The following CTU2 variants were observed in gnomAD, a reference collection of about 807,000 sequenced individuals.
CTU2 encodes cytosolic thiouridylase subunit 2.
In CTU2, 80 loss-of-function variants were observed where a neutral mutation model predicts 64.1. The ratio of observed to expected loss-of-function variants is 1.25; its 90% CI spans 1.04 to 1.50. The LOEUF is 1.50. Ranked by LOEUF, CTU2 falls within the 40% of genes most tolerant of loss-of-function variation. The probability of loss-of-function intolerance (pLI) is 0.00; values close to 1 mark genes in which losing one functional copy is unlikely to be tolerated. For missense variants in CTU2, 1,110 were observed against 690.2 expected (o/e 1.61, Z -6.81); for synonymous variants, 482 against 285.3 (o/e 1.69, Z -6.95).
chr16:88,715,205 G>C lies in CTU2; in HGVS notation c.1502G>C (p.Arg501Pro). 6.2e-7 allele frequency: 1 copy of C among 1,612,428 alleles called. No homozygotes were observed. The highest frequency in any genetic ancestry group is 1.1e-5 in the South Asian group (1 of 91,072). Reference protein sequence around the residue: ...TQRAWGLQEIRDCLIEDSDDE... With the variant: ...TQRAWGLQEIPDCLIEDSDDE... ...AGGGCCTGGGGCTTGCAGGAGATCCGGGACTGTCTGATTGAGGACAGTGAC... is the reference window on the plus strand; with the variant it reads ...AGGGCCTGGGGCTTGCAGGAGATCCCGGACTGTCTGATTGAGGACAGTGAC... The change falls in exon 15 of 15, where the codon CGG becomes CCG. Residue 501 changes from arginine to proline, a missense_variant. Transcript: ENST00000453996.
rs1567648099 is a variant in CTU2 at position 88,711,685 on chromosome 16, C to G, written c.333C>G (p.Ile111Met). 1 of 1,609,068 alleles carries G rather than the reference C, an allele frequency of 6.2e-7. No individual in the cohort carries two copies. Among genetic ancestry groups the G allele is most frequent in the Non-Finnish European group, 8.5e-7 (1 of 1,176,844 alleles). ...GACTGCGCTTTGTGGCAGGAGTCAT[C>G]TTTGTTGACGGTATGTGGGGCCATT... ...AKRLRFVAGV[I>M]FVDEGAACGQ... The change falls in exon 5 of 15, where the codon ATC (isoleucine) becomes ATG (methionine). Residue 111 changes from isoleucine to methionine, a missense_variant. Transcript: ENST00000453996.
chr16:88,712,795 C>A lies in CTU2; in HGVS notation c.627C>A (p.Asp209Glu). 1 of 1,607,692 alleles carries A rather than the reference C, an allele frequency of 6.2e-7. No individual in the cohort carries two copies. ...GEEQPPQPPL[D>E]PQNLARPPAP... ...AACAGCCACCCCAGCCCCCGCTGGA[C>A]CCCCAGAACCTGGCAAGACCGCCTG... is the stretch of plus-strand genomic sequence containing the variant. Residue 209 changes from aspartate (D) to glutamate (E), a missense_variant, in exon 7 of 15, where the codon GAC becomes GAA. By Grantham distance (45) the Asp-to-Glu change is conservative. Transcript: ENST00000453996.
intron 2 of CTU2, among the ~76,000 whole-genome samples, chr16:88,708,436 T>A (rs1453192079): frequency 1.3e-5 from 2 of 151,996 alleles, no homozygotes; most frequent in African/African-American, 2.4e-5. Flanking sequence ...CCACCACGCT[T>A]GAATCCCAGC....
At chr16:88,709,077 C>T (rs111656785) in intron 2 of CTU2, 1 of 152,148 alleles carries the variant, frequency 6.6e-6, no homozygotes, top group Non-Finnish European at 1.5e-5. Flanking sequence ...GAGTTTGAGA[C>T]CAGTCTGGGC....
rs1386696854 is a variant in CTU2, at chr16:88,714,506, G to A, written c.1201+20G>A. The A allele has an allele frequency of 6.2e-6, 10 of 1,612,498 alleles. No homozygotes were observed. The African/African-American group carries it at 1.3e-4, about 22-fold the overall frequency. The stretch of plus-strand genomic sequence containing the variant: ...CCGCTGGTCTGTGTTTCATGCTCTT[G>A]GGGTGATGCGGGGAGGGAGCCAGGG... On this transcript the variant is annotated intron_variant, in intron 11 of 14. Transcript: ENST00000453996.
intron 5 of CTU2, among the ~76,000 whole-genome samples, 186 bp downstream of exon 5, chr16:88,711,881 C>A (rs916530414): frequency 6.6e-6 from 1 of 152,202 alleles, no homozygotes; most frequent in Non-Finnish European, 1.5e-5. Context: ...GCAGATGTAT[C>A]CATCGTTAGG....
Position 88,707,121 on chromosome 16 carries a change from C to G in CTU2, c.69-15C>G. On this transcript the variant is annotated splice_polypyrimidine_tract_variant and intron_variant, in intron 1 of 14. Transcript: ENST00000453996. Reference sequence around the variant, plus strand: ...GATCTGTGTTTCTCTCTTCTCCCCCCTCCCATCTCCAAAGCCGTGAGCAGA... The same window carrying G: ...GATCTGTGTTTCTCTCTTCTCCCCCGTCCCATCTCCAAAGCCGTGAGCAGA... 2 of 1,612,888 alleles carry G rather than the reference C, an allele frequency of 1.2e-6. No homozygotes were observed. The highest frequency in any genetic ancestry group is 2.7e-5 in the African/African-American group (2 of 75,036).
chr16:88,713,525 T>G lies in CTU2; in HGVS notation c.873+78T>G, dbSNP rs572191140. The G allele has an allele frequency of 1.1e-5, 17 of 1,502,860 alleles. No homozygotes were observed. The African/African-American group carries it at 2.3e-4, about 20-fold the overall frequency. The allele number at this position is 1,502,860 out of a possible 1,614,324, so 93.1% of individuals were successfully genotyped here. On this transcript the variant is annotated intron_variant, in intron 8 of 14. Coordinates refer to ENST00000453996, the MANE Select transcript of CTU2 (RefSeq NM_001012759.3). ...GCCACCTTTACTGGAGAGTAGCCTCTCGCGTATCAGTCCTGCGGCCTCGGA... is the reference window on the plus strand; with the variant it reads ...GCCACCTTTACTGGAGAGTAGCCTCGCGCGTATCAGTCCTGCGGCCTCGGA...
At position 88,715,356 on chromosome 16, in the gene CTU2, T is replaced by G. The variant is rs1911902615; in HGVS notation, c.*105T>G. The G allele has an allele frequency of 1.6e-6, 2 of 1,240,624 alleles. No individual in the cohort carries two copies. The highest frequency in any genetic ancestry group is 1.4e-5 in the South Asian group (1 of 71,672). 76.9% of individuals were successfully genotyped at this position (1,240,624 alleles called of 1,614,324 possible). A position where few individuals can be genotyped will look rare whatever the true frequency, so the allele number is the denominator to read the frequency against. Reference sequence around the variant, plus strand: ...ACTGGCCTCTGATTGTCCATTTGTATAAATAAAACATTTTTTAATTAAAAA... The same window carrying G: ...ACTGGCCTCTGATTGTCCATTTGTAGAAATAAAACATTTTTTAATTAAAAA... On this transcript the variant is annotated 3_prime_UTR_variant, in exon 15 of 15. Coordinates refer to ENST00000453996, the MANE Select transcript of CTU2 (RefSeq NM_001012759.3).
rs752515340 is a variant in CTU2 at position 88,715,238 on chromosome 16, C to T, written c.1535C>T (p.Ala512Val). 5.6e-5 allele frequency: 91 copies of T among 1,611,718 alleles called. No individual in the cohort carries two copies. The highest frequency in any genetic ancestry group is 6.9e-5 in the Non-Finnish European group (81 of 1,179,860). The change falls in exon 15 of 15, where the codon GCG becomes GTG. Residue 512 changes from alanine (A) to valine (V), a missense_variant. Physicochemically the swap from Ala to Val is moderately conservative, Grantham distance 64. Transcript: ENST00000453996. ...DCLIEDSDDE[A>V]GQS ...CTGATTGAGGACAGTGACGACGAGGCGGGCCAGAGCTGAGCGTGAGGACGT... is the reference window on the plus strand; with the variant it reads ...CTGATTGAGGACAGTGACGACGAGGTGGGCCAGAGCTGAGCGTGAGGACGT...
intron 6 of CTU2, 33 bp from the exon 7 acceptor site, chr16:88,712,589 C>A (rs199733863): frequency 6.3e-7 from 1 of 1,597,798 alleles, no homozygotes; most frequent in Non-Finnish European, 8.5e-7. Flanking sequence ...GCCCGTGTCC[C>A]GGGCCTCACT....
chr16:88,712,724 C>G lies in CTU2; in HGVS notation c.556C>G (p.His186Asp). ...CGTGGACAGCTTCCTCCAGCAGCAG[C>G]ATGTGCTGGGGGCCGGGGGTGGTCC... is the stretch of plus-strand genomic sequence containing the variant. The part of the protein sequence containing the change: ...AAVDSFLQQQ[H>D]VLGAGGGPGP... Residue 186 changes from histidine (H) to aspartate (D), a missense_variant, in exon 7 of 15, where the codon CAT (histidine) becomes GAT (aspartate). Transcript: ENST00000453996. The G allele has an allele frequency of 6.2e-7, 1 of 1,609,220 alleles. No individual in the cohort carries two copies. The highest frequency in any genetic ancestry group is 1.3e-5 in the African/African-American group (1 of 74,846).
chr16:88,712,869 C>T lies in CTU2; in HGVS notation c.701C>T (p.Thr234Ile), dbSNP rs1911458614. The change falls in exon 7 of 15, where the codon ACA becomes ATA. Residue 234 changes from threonine (T) to isoleucine (I), a missense_variant. Physicochemically the swap from Thr to Ile is moderately conservative, Grantham distance 89. Coordinates refer to ENST00000453996, the MANE Select transcript of CTU2 (RefSeq NM_001012759.3). Reference protein sequence around the residue: ...ALSQLFCSVRTLTAKEELLQT... With the variant: ...ALSQLFCSVRILTAKEELLQT... Reference sequence around the variant, plus strand: ...TCCCAACTGTTCTGCTCAGTGAGGACACTGACTGCCAAGGAGGAGCTTCTG... The same window carrying T: ...TCCCAACTGTTCTGCTCAGTGAGGATACTGACTGCCAAGGAGGAGCTTCTG... The T allele has an allele frequency of 6.5e-7, 1 of 1,546,160 alleles. No individual in the cohort carries two copies. The highest frequency in any genetic ancestry group is 8.7e-7 in the Non-Finnish European group (1 of 1,147,154).
chr16:88,715,130 G>T (rs768332163), intron 14 of CTU2, 24 bp downstream of exon 14: 15 of 1,603,748 alleles, frequency 9.4e-6, no homozygotes, highest in Non-Finnish European at 1.2e-5. Context: ...CACTGCCGTG[G>T]CGCGTGGGTA....
Position 88,713,450 on chromosome 16 carries a change from A to G in CTU2, c.873+3A>G. 1 of 1,575,018 alleles carries G rather than the reference A, an allele frequency of 6.3e-7. No individual in the cohort carries two copies. The highest frequency in any genetic ancestry group is 8.6e-7 in the Non-Finnish European group (1 of 1,167,324). ...GGGCCTTCCTGGCCTGGGATACGGT[A>G]GGCAGGGGCCTGGGTGTTCAGGAGG... On this transcript the variant is annotated splice_donor_region_variant and intron_variant, in intron 8 of 14. Coordinates refer to ENST00000453996, the MANE Select transcript of CTU2 (RefSeq NM_001012759.3).
At chr16:88,710,167 G>T in intron 3 of CTU2, 56 bp from the exon 4 acceptor site, 1 of 1,601,468 alleles carries the variant, frequency 6.2e-7, no homozygotes. Context: ...CCACGAGGTG[G>T]GGTGTCTGCC....
chr16:88,714,325 C>T, intron 10 of CTU2, 58 bp from the exon 11 acceptor site: 15 of 1,605,490 alleles, frequency 9.3e-6, no homozygotes, highest in Non-Finnish European at 1.2e-5. Flanking sequence ...CAGGCCAGGG[C>T]TTAGGGTGGA....
Position 88,712,680 on chromosome 16 carries a change from AG to A in CTU2, c.517del (p.Ala173ProfsTer60). 3 of 1,610,468 alleles carry A rather than the reference AG, an allele frequency of 1.9e-6. No homozygotes were observed. The highest frequency in any genetic ancestry group is 2.5e-6 in the Non-Finnish European group (3 of 1,179,506). ...TCTGCCCAGGAGCTGGTGGGATCCG[AG>A]GGGGCCTACAAGGCGGCCGTGGACA... is the stretch of plus-strand genomic sequence containing the variant. ...WCSAQELVGS[E>X]GAYKAAVDSF... On this transcript the variant is annotated frameshift_variant, in exon 7 of 15. Coordinates refer to ENST00000453996, the MANE Select transcript of CTU2 (RefSeq NM_001012759.3). LOFTEE classifies it high-confidence loss of function.
intron 14 of CTU2, 37 bp from the exon 15 acceptor site, chr16:88,715,145 G>A (rs751689988): frequency 1.2e-6 from 2 of 1,608,814 alleles, no homozygotes; most frequent in South Asian, 1.1e-5. Context: ...TGGGTAAGGG[G>A]CCTCGGGGCT....
Sources: gnomAD v4.1 joint callset for allele counts (sites outside exome capture counted in the v4.1 genomes callset) on GRCh38, gnomAD v4.1.1 for gene constraint, MANE v1.5 for transcripts, NCBI Gene and HGNC (gene_info 2026-07-23, HGNC 2026-07-21) for gene names.